The following AGR3 variants were observed in gnomAD, a reference collection of about 807,000 sequenced individuals.
The protein encoded by AGR3 is anterior gradient protein 3.
AGR3 carries 37 observed loss-of-function variants against 24.5 expected under a neutral mutation model. The ratio of observed to expected loss-of-function variants is 1.51; its 90% CI spans 1.16 to 1.99. The LOEUF (loss-of-function observed/expected upper bound fraction) is 1.99, where lower values mean the gene tolerates loss of function less well. AGR3 is among the 30% of genes most tolerant of loss of function. AGR3 has a pLI of 0.00. For synonymous variants in AGR3, 75 were observed against 61.6 expected (o/e 1.22, Z -1.02); for missense variants, 228 against 191.1 (o/e 1.19, Z -1.14).
intron 3 of AGR3, chr7:16,866,091 T>C (rs1169861127): frequency 1.7e-6 from 1 of 589,758 alleles, no homozygotes; most frequent in African/African-American, 1.9e-5. Flanking sequence ...ATATATCTGT[T>C]CTAAGGAAGA....
At chr7:16,873,947 C>T (rs1781935316) in intron 2 of AGR3, 104 bp from the exon 3 acceptor site, 1 of 912,564 alleles carries the variant, frequency 1.1e-6, no homozygotes. Context: ...TTAACTAAGC[C>T]ATCAAGCTGT....
At chr7:16,874,451 C>A (rs957519993) in intron 2 of AGR3, among the ~76,000 whole-genome samples, 9 of 151,854 alleles carry the variant, frequency 5.9e-5, no homozygotes, top group Non-Finnish European at 1.2e-4. Context: ...TAGAGAGAAC[C>A]CATTAGCCTT....
At chr7:16,870,360 CTT>C (rs1178492327) in intron 3 of AGR3, among the ~76,000 whole-genome samples, 2 of 151,742 alleles carry the variant, frequency 1.3e-5, no homozygotes, top group Non-Finnish European at 2.9e-5. Context: ...ATAATTTTAA[CTT>C]TTCCTTTCTA....
intron 2 of AGR3, among the ~76,000 whole-genome samples, chr7:16,874,533 C>T (rs1269465554): frequency 1.3e-5 from 2 of 152,054 alleles, no homozygotes; most frequent in African/African-American, 2.4e-5. Context: ...GAAGAATGTG[C>T]AGAACCTCCA....
At chr7:16,864,872 G>A in intron 3 of AGR3, 1 of 867,392 alleles carries the variant, frequency 1.2e-6, no homozygotes, top group South Asian at 1.3e-5. Flanking sequence ...TCACCACTGA[G>A]GATACCTGCA....
intron 3 of AGR3, chr7:16,864,380 G>T: frequency 7.7e-7 from 1 of 1,303,574 alleles, no homozygotes; most frequent in Non-Finnish European, 1.1e-6. Flanking sequence ...TGACTCAGAG[G>T]AAGAGACCAG....
At chr7:16,863,581 T>C (rs2115301344) in intron 3 of AGR3, among the ~76,000 whole-genome samples, 1 of 152,262 alleles carries the variant, frequency 6.6e-6, no homozygotes. Context: ...AAAATCTATA[T>C]GAATATGTTT....
intron 2 of AGR3, among the ~76,000 whole-genome samples, chr7:16,876,865 G>A (rs10270052): frequency 0.04 from 6,011 of 152,150 alleles, 421 homozygotes; most frequent in African/African-American, 0.14. Context: ...ATGCCTTGAC[G>A]TATAGTTATC....
chr7:16,878,661 G>A lies in AGR3; in HGVS notation c.-27-16C>T. The A allele has an allele frequency of 6.6e-7, 1 of 1,509,180 alleles. No homozygotes were observed. The highest frequency in any genetic ancestry group is 9.2e-7 in the Non-Finnish European group (1 of 1,087,468). The allele number at this position is 1,509,180 out of a possible 1,614,324, so 93.5% of individuals were successfully genotyped here. On this transcript the variant is annotated splice_polypyrimidine_tract_variant and intron_variant, in intron 1 of 7. Coordinates refer to ENST00000310398, the MANE Select transcript of AGR3 (RefSeq NM_176813.5). ...TCAGAAGAAGCTAGATGACAGAAAG[G>A]AATTCTCAGAATCCAGTGAATTACT...
chr7:16,871,375 T>G (rs1781860441), intron 3 of AGR3, among the ~76,000 whole-genome samples: 1 of 152,234 alleles, frequency 6.6e-6, no homozygotes, highest in Non-Finnish European at 1.5e-5. Flanking sequence ...ACTTGTGGCA[T>G]CCTTTTGAAA....
At chr7:16,855,613 T>C (rs1781547499), downstream of AGR3, among the ~76,000 whole-genome samples, 1 of 152,044 alleles carries the variant, frequency 6.6e-6, no homozygotes, top group Non-Finnish European at 1.5e-5. Context: ...GACTTTCTGC[T>C]CCCAAGGACT....
At chr7:16,873,131 A>G (rs1583844244) in intron 3 of AGR3, among the ~76,000 whole-genome samples, 1 of 152,144 alleles carries the variant, frequency 6.6e-6, no homozygotes, top group Non-Finnish European at 1.5e-5. Context: ...TATCAAAGAG[A>G]TATTTGCATC....
downstream of AGR3, among the ~76,000 whole-genome samples, chr7:16,855,148 T>C (rs1781538911): frequency 6.6e-6 from 1 of 152,206 alleles, no homozygotes; most frequent in South Asian, 2.1e-4. Context: ...CAATATCTTC[T>C]AGCTATTTGA....
intron 3 of AGR3, among the ~76,000 whole-genome samples, chr7:16,868,306 C>T (rs1377869114): frequency 1.3e-5 from 2 of 152,082 alleles, no homozygotes; most frequent in African/African-American, 2.4e-5. Context: ...AAGGCATGCA[C>T]CACTATGCCT....
chr7:16,877,473 G>C (rs1280987706), intron 2 of AGR3, among the ~76,000 whole-genome samples: 1 of 151,644 alleles, frequency 6.6e-6, no homozygotes, highest in Admixed American at 6.6e-5. Context: ...AAATGGTCAA[G>C]TACTTTGTGG....
Position 16,874,425 on chromosome 7 carries a change from C to T in AGR3, c.110-582G>A, listed in dbSNP as rs547505097. Among the ~76,000 whole-genome samples the T allele has an allele frequency of 4.6e-5, 7 of 152,044 alleles. No homozygotes were observed. The South Asian group carries it at 1.5e-3, about 32-fold the overall frequency. ...CACCCAAAAGAATGGAGAGAAAAAA[C>T]AGAAAGCAATGAATATAGAGAGAAC... On this transcript the variant is annotated intron_variant, in intron 2 of 7. Coordinates refer to ENST00000310398, the MANE Select transcript of AGR3 (RefSeq NM_176813.5).
At chr7:16,856,216 G>A (rs1018802821), downstream of AGR3, among the ~76,000 whole-genome samples, 23 of 152,182 alleles carry the variant, frequency 1.5e-4, no homozygotes, top group Non-Finnish European at 2.9e-4. Flanking sequence ...CTGGCAGAGT[G>A]AAAATTAATC....
chr7:16,855,472 G>A (rs1353358051), downstream of AGR3, among the ~76,000 whole-genome samples: 1 of 152,130 alleles, frequency 6.6e-6, no homozygotes, highest in Non-Finnish European at 1.5e-5. Flanking sequence ...TACCAGGGGA[G>A]CCAAGTGTTT....
chr7:16,857,316 T>C (rs1444738585), downstream of AGR3, among the ~76,000 whole-genome samples: 1 of 152,208 alleles, frequency 6.6e-6, no homozygotes, highest in African/African-American at 2.4e-5. Context: ...TAGAAATATA[T>C]GCATATTAAA....
Sources: allele counts gnomAD v4.1 joint callset (sites outside exome capture counted in the v4.1 genomes callset), GRCh38; gene constraint gnomAD v4.1.1; transcripts MANE v1.5; gene names NCBI Gene and HGNC (gene_info 2026-07-23, HGNC 2026-07-21).